GFRA1: variants seen among roughly 807,000 people sequenced by gnomAD.
GFRA1 encodes GDNF family receptor alpha 1.
GFRA1 carries 16 observed loss-of-function variants against 51.6 expected under a neutral mutation model. That is an observed-to-expected ratio of 0.31 (90% CI 0.21 to 0.47). The LOEUF is 0.47. Ranked by LOEUF, GFRA1 falls within the 20% of genes least tolerant of loss-of-function variation. GFRA1 has a pLI of 1.00. For synonymous variants in GFRA1, 270 were observed against 241.3 expected (o/e 1.12, Z -1.10); for missense variants, 530 against 594.3 (o/e 0.89, Z 1.13).
At chr10:116,208,729 A>G (rs1964971567) in intron 5 of GFRA1, among the ~76,000 whole-genome samples, 1 of 152,192 alleles carries the variant, frequency 6.6e-6, no homozygotes. Context: ...CGATTTCAGA[A>G]TCAAGGTTGA....
At chr10:116,095,562 T>C (rs1176680399) in intron 7 of GFRA1, among the ~76,000 whole-genome samples, 1 of 151,992 alleles carries the variant, frequency 6.6e-6, no homozygotes, top group Non-Finnish European at 1.5e-5. Context: ...AAATAGAAAA[T>C]ACTTGGGGAT....
At chr10:116,274,180 T>G (rs1844136438), upstream of GFRA1, among the ~76,000 whole-genome samples, 2 of 121,676 alleles carry the variant, frequency 1.6e-5, no homozygotes, top group East Asian at 2.8e-4. Context: ...CCCCCACGCC[T>G]GACACACGCT....
intron 9 of GFRA1, among the ~76,000 whole-genome samples, chr10:116,085,863 C>G (rs958128542): frequency 2.6e-5 from 4 of 152,226 alleles, no homozygotes; most frequent in African/African-American, 9.6e-5. Context: ...AGCTTTGCCT[C>G]TGTACCCCTT....
At chr10:116,108,386 T>G (rs1475663838) in intron 6 of GFRA1, among the ~76,000 whole-genome samples, 1 of 152,138 alleles carries the variant, frequency 6.6e-6, no homozygotes, top group Non-Finnish European at 1.5e-5. Flanking sequence ...AATCACTCCA[T>G]TGTCACCAGA....
chr10:116,200,028 T>C (rs1964202791), intron 5 of GFRA1, among the ~76,000 whole-genome samples: 1 of 152,264 alleles, frequency 6.6e-6, no homozygotes, highest in African/African-American at 2.4e-5. Flanking sequence ...CTGAAATTCA[T>C]CATGTTGTTG....
chr10:116,245,424 AC>A (rs1286611990), intron 4 of GFRA1, among the ~76,000 whole-genome samples: 1 of 152,212 alleles, frequency 6.6e-6, no homozygotes, highest in Non-Finnish European at 1.5e-5. Context: ...AAAGCCTGAC[AC>A]CACCAAATGC....
At chr10:116,212,567 T>A (rs1325794039) in intron 4 of GFRA1, among the ~76,000 whole-genome samples, 1 of 117,670 alleles carries the variant, frequency 8.5e-6, no homozygotes, top group Non-Finnish European at 2.0e-5. Context: ...CACACACACA[T>A]CTAGTTAAAA....
intron 4 of GFRA1, among the ~76,000 whole-genome samples, chr10:116,234,861 G>T (rs1378543001): frequency 1.3e-5 from 2 of 152,270 alleles, no homozygotes; most frequent in Admixed American, 6.5e-5. Context: ...TTAATCATGG[G>T]TGGGGGGGTT....
chr10:116,189,573 CT>C (rs1963065217), intron 5 of GFRA1, among the ~76,000 whole-genome samples: 3 of 152,142 alleles, frequency 2.0e-5, no homozygotes, highest in Admixed American at 1.3e-4. Flanking sequence ...GTTTAATTCT[CT>C]TTAAGTGTCC....
intron 9 of GFRA1, among the ~76,000 whole-genome samples, chr10:116,087,748 G>C (rs1020494991): frequency 3.3e-5 from 5 of 152,156 alleles, no homozygotes; most frequent in Admixed American, 3.3e-4. Context: ...GGCTGACCTA[G>C]GAGGAAGCAG....
chr10:116,187,419 C>T lies in GFRA1; in HGVS notation c.433+24212G>A, dbSNP rs192035771. On this transcript the variant is annotated intron_variant, in intron 5 of 10. Transcript: ENST00000355422. ...TTGGACGAAGTGCTCAGTGACATCC[C>T]TTCTAAAACTAACAGTCTAAGACAT... Among the ~76,000 whole-genome samples the T allele has an allele frequency of 3.4e-3, 523 of 152,222 alleles. 4 individuals are homozygous for T. Among genetic ancestry groups the T allele is most frequent in the African/African-American group, 0.011 (458 of 41,552 alleles).
intron 4 of GFRA1, among the ~76,000 whole-genome samples, chr10:116,239,318 A>C (rs111770135): frequency 0.015 from 2,313 of 152,332 alleles, 21 homozygotes; most frequent in African/African-American, 0.021. Flanking sequence ...AGTGAAATTC[A>C]AGCGGGGCTT....
chr10:116,239,085 A>T (rs1265048035), intron 4 of GFRA1, among the ~76,000 whole-genome samples: 1 of 152,254 alleles, frequency 6.6e-6, no homozygotes, highest in African/African-American at 2.4e-5. Context: ...AGAAAAAGAC[A>T]TCAGCTAGCC....
intron 6 of GFRA1, among the ~76,000 whole-genome samples, chr10:116,123,569 A>G (rs1957731194): frequency 6.6e-6 from 1 of 152,198 alleles, no homozygotes; most frequent in African/African-American, 2.4e-5. Flanking sequence ...GAAACTCAGA[A>G]TCTTCAACAT....
At chr10:116,106,121 C>T (rs1487762511) in intron 6 of GFRA1, among the ~76,000 whole-genome samples, 3 of 152,116 alleles carry the variant, frequency 2.0e-5, no homozygotes, top group African/African-American at 7.2e-5. Flanking sequence ...CATGAGCCTG[C>T]GTGGGGAAAG....
chr10:116,153,506 T>C (rs777796456), intron 5 of GFRA1, among the ~76,000 whole-genome samples: 6 of 152,208 alleles, frequency 3.9e-5, no homozygotes, highest in Non-Finnish European at 8.8e-5. Flanking sequence ...GGTTGAGTGC[T>C]GTCTGCTGGT....
chr10:116,241,836 T>A (rs1040448434), intron 4 of GFRA1, among the ~76,000 whole-genome samples: 2 of 152,076 alleles, frequency 1.3e-5, no homozygotes, highest in African/African-American at 4.8e-5. Flanking sequence ...AATAGGAGAA[T>A]CAACTTGCTA....
intron 4 of GFRA1, among the ~76,000 whole-genome samples, chr10:116,251,571 G>C (rs1379383611): frequency 3.3e-5 from 5 of 152,196 alleles, no homozygotes; most frequent in Non-Finnish European, 5.9e-5. Context: ...GGGACATTCA[G>C]AGACTCTAAC....
At chr10:116,120,985 C>T (rs1035779064) in intron 6 of GFRA1, among the ~76,000 whole-genome samples, 7 of 152,216 alleles carry the variant, frequency 4.6e-5, no homozygotes, top group Admixed American at 3.3e-4. Context: ...AAGCAGAAGG[C>T]GTTTTGGAGT....
Sources: allele counts gnomAD v4.1 joint callset (sites outside exome capture counted in the v4.1 genomes callset), GRCh38; gene constraint gnomAD v4.1.1; transcripts MANE v1.5; gene names NCBI Gene and HGNC (gene_info 2026-07-23, HGNC 2026-07-21).